Variants in SPECC1 observed in about 807,000 individuals in gnomAD.
The protein encoded by SPECC1 is cytospin-B.
SPECC1 carries 62 observed loss-of-function variants against 104.1 expected under a neutral mutation model. That is an observed-to-expected ratio of 0.60 (90% confidence interval 0.49 to 0.74). SPECC1 has a LOEUF of 0.74. SPECC1 is among the 30% of genes least tolerant of loss of function. The pLI, the probability that SPECC1 is intolerant of heterozygous loss-of-function variation, is 0.00. For missense variants in SPECC1, 1,306 were observed against 1,310.5 expected (o/e 1.00, Z 0.05); for synonymous variants, 513 against 501.6 (o/e 1.02, Z -0.30).
chr17:20,232,134 G>A, intron 6 of SPECC1, 66 bp from the exon 7 acceptor site: 2 of 1,579,564 alleles, frequency 1.3e-6, no homozygotes, highest in South Asian at 1.1e-5. Context: ...CGGGGACTCT[G>A]GGGTCCCTGC....
intron 3 of SPECC1, among the ~76,000 whole-genome samples, chr17:20,171,072 T>A (rs370459037): frequency 6.6e-6 from 1 of 152,232 alleles, no homozygotes; most frequent in Non-Finnish European, 1.5e-5. Context: ...AAAACTGTTA[T>A]GAAAATTATC....
rs553149480 is a variant in SPECC1, at chr17:20,171,737, G to A, written c.284-32596G>A. Among the ~76,000 whole-genome samples, 4 of 152,076 alleles carry A rather than the reference G, an allele frequency of 2.6e-5. No homozygotes were observed. The East Asian group carries it at 5.8e-4, about 22-fold the overall frequency. ...TAATTTTTTTAAATTTTTAGTAGAGGTAGGGTCTTGCTGTATTGCTCAGGC... is the reference window on the plus strand; with the variant it reads ...TAATTTTTTTAAATTTTTAGTAGAGATAGGGTCTTGCTGTATTGCTCAGGC... On this transcript the variant is annotated intron_variant, in intron 3 of 14. Coordinates refer to ENST00000395527, the MANE Select transcript of SPECC1 (RefSeq NM_001243439.2).
In SPECC1 at chr17:20,318,824, A is replaced by ATT. The variant is rs202190753; in HGVS notation, c.*4769_*4770dup. 28 of 189,394 alleles carry ATT rather than the reference A, an allele frequency of 1.5e-4. No individual in the cohort carries two copies. The highest frequency in any genetic ancestry group is 1.0e-3 in the East Asian group (12 of 11,656). 11.7% of individuals were successfully genotyped at this position (189,394 alleles called of 1,614,324 possible). A position where few individuals can be genotyped will look rare whatever the true frequency, so the allele number is the denominator to read the frequency against. On this transcript the variant is annotated 3_prime_UTR_variant, in exon 15 of 15. Transcript: ENST00000395527. The stretch of plus-strand genomic sequence containing the variant: ...CTGTAGCATCCTGAATAGCACACTA[A>ATT]TTTTTTTTTTTAGCACACTAACTTT...
intron 2 of SPECC1, among the ~76,000 whole-genome samples, chr17:20,108,248 C>G (rs12941200): frequency 9.3e-5 from 14 of 151,188 alleles, no homozygotes; most frequent in Admixed American, 3.3e-4. Flanking sequence ...AAAAAAAAAC[C>G]CAGAAGGCTA....
At chr17:20,245,220 A>C (rs1430503462) in intron 7 of SPECC1, among the ~76,000 whole-genome samples, 4 of 152,212 alleles carry the variant, frequency 2.6e-5, no homozygotes, top group African/African-American at 9.7e-5. Context: ...AGCAGCTCCC[A>C]AAGTCTCCAC....
At chr17:20,245,679 G>C (rs1156274767) in intron 7 of SPECC1, among the ~76,000 whole-genome samples, 1 of 152,102 alleles carries the variant, frequency 6.6e-6, no homozygotes, top group African/African-American at 2.4e-5. Flanking sequence ...CTAATATCAA[G>C]TCACTCTACA....
intron 1 of SPECC1, among the ~76,000 whole-genome samples, chr17:20,051,009 G>A (rs537766530): frequency 5.3e-5 from 8 of 152,080 alleles, no homozygotes; most frequent in Admixed American, 5.2e-4. Flanking sequence ...TAGCGTGCAT[G>A]GAAAAACATA....
chr17:20,113,431 T>A (rs1170455504), intron 3 of SPECC1, among the ~76,000 whole-genome samples: 2 of 152,164 alleles, frequency 1.3e-5, no homozygotes, highest in Non-Finnish European at 2.9e-5. Flanking sequence ...GTAAAAACTT[T>A]ACGAAAACTT....
At chr17:20,011,179 A>G (rs1362211282) in intron 1 of SPECC1, among the ~76,000 whole-genome samples, 3 of 152,166 alleles carry the variant, frequency 2.0e-5, no homozygotes, top group African/African-American at 4.8e-5. Flanking sequence ...ATCATTTTCT[A>G]TGCTCTGGAA....
intron 7 of SPECC1, chr17:20,238,888 A>G: frequency 1.9e-6 from 2 of 1,043,490 alleles, no homozygotes; most frequent in South Asian, 4.6e-5. Context: ...GTTATTATAT[A>G]GAAGCGTCTG....
chr17:20,028,674 A>G (rs897689292), intron 1 of SPECC1, among the ~76,000 whole-genome samples: 5 of 151,986 alleles, frequency 3.3e-5, no homozygotes, highest in African/African-American at 1.2e-4. Context: ...GTGTTTTTCA[A>G]GTTTGTTTTG....
rs960594894 is a variant in SPECC1 at position 20,205,653 on chromosome 17, A to G, written c.1604A>G (p.Lys535Arg). 1 of 1,614,102 alleles carries G rather than the reference A, an allele frequency of 6.2e-7. No homozygotes were observed. The highest frequency in any genetic ancestry group is 8.5e-7 in the Non-Finnish European group (1 of 1,180,040). The change falls in exon 4 of 15, where the codon AAA becomes AGA. Residue 535 changes from lysine to arginine, a missense_variant. Physicochemically the swap from Lys to Arg is conservative, Grantham distance 26. Around this residue, in one of 2 missense-constraint regions of SPECC1, gnomAD observed 1,177 missense variants for 1,139.9 expected, o/e 1.03. Coordinates refer to ENST00000395527, the MANE Select transcript of SPECC1 (RefSeq NM_001243439.2). ...LERHNNNMMA[K>R]TLEECRVTLE... ...CGGCATAATAATAACATGATGGCCA[A>G]AACTTTGGAAGAGTGTAGAGTTACC...
chr17:20,106,668 A>G (rs2048212834), intron 2 of SPECC1, among the ~76,000 whole-genome samples: 1 of 152,216 alleles, frequency 6.6e-6, no homozygotes, highest in African/African-American at 2.4e-5. Context: ...TACCAAGAGT[A>G]TAGTGAGATG....
chr17:20,066,145 C>CT (rs2046350053), intron 1 of SPECC1, among the ~76,000 whole-genome samples: 1 of 152,040 alleles, frequency 6.6e-6, no homozygotes, highest in South Asian at 2.1e-4. Flanking sequence ...AGCTTTTTAC[C>CT]TTTTTTACAA....
chr17:20,127,868 A>G (rs1351522838), intron 3 of SPECC1, among the ~76,000 whole-genome samples: 3 of 152,066 alleles, frequency 2.0e-5, no homozygotes, highest in Middle Eastern at 3.2e-3. Context: ...GCATGCAGGC[A>G]AGGAGAAGGG....
chr17:20,191,964 TCTCA>T (rs754526875), intron 3 of SPECC1, among the ~76,000 whole-genome samples: 7 of 152,184 alleles, frequency 4.6e-5, no homozygotes, highest in Non-Finnish European at 1.0e-4. Context: ...TGAGACAGTG[TCTCA>T]CTCTGTTGTG....
intron 12 of SPECC1, among the ~76,000 whole-genome samples, chr17:20,291,111 C>G (rs1430202985): frequency 6.6e-6 from 1 of 152,214 alleles, no homozygotes; most frequent in Non-Finnish European, 1.5e-5. Flanking sequence ...CGGTAGCATT[C>G]ACCAGTGCAG....
At chr17:20,106,104 T>C (rs551975716) in intron 2 of SPECC1, among the ~76,000 whole-genome samples, 146 of 152,332 alleles carry the variant, frequency 9.6e-4, no homozygotes, top group Non-Finnish European at 1.8e-3. Flanking sequence ...CTTGCGTTAT[T>C]GCGTTAAGAA....
At chr17:20,216,118 G>C (rs141124136) in intron 4 of SPECC1, among the ~76,000 whole-genome samples, 12 of 152,286 alleles carry the variant, frequency 7.9e-5, no homozygotes, top group Non-Finnish European at 1.3e-4. Flanking sequence ...GAACAATCCA[G>C]CATGTATCAA....
Sources: allele counts gnomAD v4.1 joint callset (sites outside exome capture counted in the v4.1 genomes callset), GRCh38; gene constraint gnomAD v4.1.1; regional missense constraint gnomAD v4.1.1; transcripts MANE v1.5; gene names NCBI Gene and HGNC (gene_info 2026-07-23, HGNC 2026-07-21).